The following CNTLN variants were observed in gnomAD, a reference collection of about 807,000 sequenced individuals.
CNTLN encodes centlein, centrosomal protein.
Under a neutral mutation model 180.0 loss-of-function variants are expected in CNTLN, and 212 were observed. The observed-to-expected ratio is 1.18, with a 90% CI of 1.05 to 1.32. The LOEUF (loss-of-function observed/expected upper bound fraction) is 1.32, where lower values mean the gene tolerates loss of function less well. Among genes scored for constraint, CNTLN ranks in the 40% most tolerant of loss-of-function variants. The probability of loss-of-function intolerance (pLI) is 0.00; values close to 1 mark genes in which losing one functional copy is unlikely to be tolerated. For missense variants in CNTLN, 2,095 were observed against 1,610.9 expected (o/e 1.30, Z -5.14); for synonymous variants, 722 against 563.1 (o/e 1.28, Z -3.99).
chr9:17,345,140 G>A (rs1050093984), intron 12 of CNTLN, among the ~76,000 whole-genome samples: 11 of 152,070 alleles, frequency 7.2e-5, no homozygotes, highest in African/African-American at 2.7e-4. Context: ...GTTTTTTCTA[G>A]TTTTTTGCAA....
intron 13 of CNTLN, among the ~76,000 whole-genome samples, chr9:17,382,114 T>C (rs897648160): frequency 1.6e-4 from 24 of 152,218 alleles, no homozygotes; most frequent in African/African-American, 5.5e-4. Flanking sequence ...AAAAGTATGC[T>C]GGAGCTGTTA....
the CNTLN span, among the ~76,000 whole-genome samples, chr9:17,519,950 G>A: frequency 2.6e-5 from 4 of 152,300 alleles, no homozygotes; most frequent in East Asian, 3.9e-4. Flanking sequence ...CTCAGGAATC[G>A]GGCAGTGCAG....
At chr9:17,193,323 G>C (rs1202371869) in intron 2 of CNTLN, among the ~76,000 whole-genome samples, 1 of 152,174 alleles carries the variant, frequency 6.6e-6, no homozygotes, top group Non-Finnish European at 1.5e-5. Flanking sequence ...TCTCATCTGA[G>C]ACAAGACAAA....
intron 2 of CNTLN, among the ~76,000 whole-genome samples, chr9:17,214,164 C>A (rs1016323140): frequency 1.3e-5 from 2 of 152,098 alleles, no homozygotes; most frequent in Non-Finnish European, 2.9e-5. Flanking sequence ...GGTCTTTACA[C>A]TTTGGCATGT....
chr9:17,153,063 G>A (rs1037120341), intron 2 of CNTLN, among the ~76,000 whole-genome samples: 2 of 152,126 alleles, frequency 1.3e-5, no homozygotes, highest in African/African-American at 4.8e-5. Context: ...TTGCACATGA[G>A]ATGGTTCTCC....
intron 7 of CNTLN, among the ~76,000 whole-genome samples, chr9:17,304,456 A>G (rs1818572446): frequency 1.3e-5 from 2 of 152,170 alleles, no homozygotes; most frequent in African/African-American, 2.4e-5. Context: ...GGGTACTAAC[A>G]TGTATTTTAT....
In CNTLN at chr9:17,394,732, C is replaced by G; in HGVS notation, c.2278C>G (p.Leu760Val). The change falls in exon 15 of 26, where the codon CTT becomes GTT. Residue 760 changes from leucine to valine, a missense_variant. Leu to Val is a conservative substitution (Grantham distance 32). Transcript: ENST00000380647. ...SKDVEKENTE[L>V]QVKISELETE... ...AGATGTAGAAAAAGAAAATACTGAACTTCAAGTAAAAATCAGTGAGCTGGA... is the reference window on the plus strand; with the variant it reads ...AGATGTAGAAAAAGAAAATACTGAAGTTCAAGTAAAAATCAGTGAGCTGGA... 2 of 1,613,900 alleles carry G rather than the reference C, an allele frequency of 1.2e-6. No homozygotes were observed. Among genetic ancestry groups the G allele is most frequent in the Non-Finnish European group, 1.7e-6 (2 of 1,179,936 alleles).
chr9:17,143,203 T>G, intron 1 of CNTLN, 85 bp from the exon 2 acceptor site: 1 of 919,646 alleles, frequency 1.1e-6, no homozygotes, highest in Non-Finnish European at 1.7e-6. Context: ...CAAGTAATTG[T>G]TTTTTCATTT....
At chr9:17,281,442 C>T (rs376817953) in intron 6 of CNTLN, among the ~76,000 whole-genome samples, 30 of 152,100 alleles carry the variant, frequency 2.0e-4, no homozygotes, top group African/African-American at 4.3e-4. Flanking sequence ...TCCCTCTCCC[C>T]GCACACCACC....
In CNTLN at chr9:17,334,290, C is replaced by T. The variant is rs766637140; in HGVS notation, c.1644+1560C>T. On this transcript the variant is annotated intron_variant, in intron 10 of 25. Transcript: ENST00000380647. The stretch of plus-strand genomic sequence containing the variant: ...GGCCAGGCTGATCTCAAACTCCTGA[C>T]CTCAAATGATCCTCCTGCCTCAGCC... Among the ~76,000 whole-genome samples, 36 of 151,934 alleles carry T rather than the reference C, an allele frequency of 2.4e-4. 1 individual carries two copies. The highest frequency in any genetic ancestry group is 7.2e-4 in the Admixed American group (11 of 15,240).
chr9:17,206,423 T>C (rs954856538), intron 2 of CNTLN, among the ~76,000 whole-genome samples: 3 of 152,226 alleles, frequency 2.0e-5, no homozygotes, highest in Non-Finnish European at 4.4e-5. Context: ...TAAATACGCT[T>C]ACCACAGCCC....
intron 6 of CNTLN, among the ~76,000 whole-genome samples, chr9:17,294,089 G>A (rs1817612073): frequency 6.6e-6 from 1 of 152,136 alleles, no homozygotes; most frequent in African/African-American, 2.4e-5. Context: ...CTTCCTTCTG[G>A]TGGATTCGTG....
At chr9:17,307,811 TGTAA>T (rs1282349859) in intron 7 of CNTLN, among the ~76,000 whole-genome samples, 1 of 152,160 alleles carries the variant, frequency 6.6e-6, no homozygotes, top group African/African-American at 2.4e-5. Flanking sequence ...CTTTTATGTA[TGTAA>T]GTTTCTTCCC....
chr9:17,208,831 A>C (rs1333599588), intron 2 of CNTLN, among the ~76,000 whole-genome samples: 2 of 151,896 alleles, frequency 1.3e-5, no homozygotes, highest in Non-Finnish European at 2.9e-5. Flanking sequence ...CTTTGATTTT[A>C]TTTGTGTCTT....
chr9:17,322,535 T>C (rs1819988310), intron 8 of CNTLN, among the ~76,000 whole-genome samples: 1 of 152,170 alleles, frequency 6.6e-6, no homozygotes, highest in South Asian at 2.1e-4. Flanking sequence ...GCATATCTAA[T>C]GGAAACTGCA....
At chr9:17,470,812 G>C (rs7864836) in intron 23 of CNTLN, among the ~76,000 whole-genome samples, 6,888 of 152,098 alleles carry the variant, frequency 0.045, 447 homozygotes, top group African/African-American at 0.14. Context: ...ACAGTATTTA[G>C]CTGGAAGCAT....
intron 18 of CNTLN, among the ~76,000 whole-genome samples, chr9:17,451,077 G>GA (rs1830751705): frequency 6.6e-6 from 1 of 151,988 alleles, no homozygotes; most frequent in Non-Finnish European, 1.5e-5. Flanking sequence ...CCTATACCTG[G>GA]ACAGCATGCA....
chr9:17,372,061 G>A (rs991356722), intron 13 of CNTLN, among the ~76,000 whole-genome samples: 2 of 151,998 alleles, frequency 1.3e-5, no homozygotes, highest in Non-Finnish European at 2.9e-5. Flanking sequence ...AGCTAGAAAA[G>A]CTAGAGCTAA....
chr9:17,184,243 C>CAT (rs1821295817), intron 2 of CNTLN, among the ~76,000 whole-genome samples: 1 of 151,970 alleles, frequency 6.6e-6, no homozygotes, highest in African/African-American at 2.4e-5. Flanking sequence ...AATGATCAAG[C>CAT]ATATATATGT....
Sources: allele counts gnomAD v4.1 joint callset (sites outside exome capture counted in the v4.1 genomes callset), GRCh38; gene constraint gnomAD v4.1.1; transcripts MANE v1.5; gene names NCBI Gene and HGNC (gene_info 2026-07-23, HGNC 2026-07-21).